The following RNF150 variants were observed in gnomAD, a reference collection of about 807,000 sequenced individuals.
RNF150 encodes ring finger protein 150.
Under a neutral mutation model 39.3 loss-of-function variants are expected in RNF150, and 24 were observed. The observed-to-expected ratio is 0.61, with a 90% confidence interval of 0.44 to 0.86. RNF150 has a LOEUF of 0.86. Among genes scored for constraint, RNF150 ranks in the 40% least tolerant of loss-of-function variants. RNF150 has a pLI of 0.00. For missense variants in RNF150, 502 were observed against 587.8 expected, an observed-to-expected ratio of 0.85 and a Z score of 1.51; for synonymous variants, 255 against 227.3, an observed-to-expected ratio of 1.12 and a Z score of -1.10.
chr4:141,087,182 T>C (rs935074246), intron 1 of RNF150, among the ~76,000 whole-genome samples: 1 of 152,286 alleles, frequency 6.6e-6, no homozygotes, highest in Non-Finnish European at 1.5e-5. Flanking sequence ...GTTGTTGCCT[T>C]GCGTTCATAA....
intron 1 of RNF150, among the ~76,000 whole-genome samples, chr4:141,019,931 G>T (rs988653741): frequency 3.3e-5 from 5 of 152,066 alleles, no homozygotes; most frequent in African/African-American, 1.2e-4. Context: ...CCTTCATGAA[G>T]TACAATACAA....
rs151232377 is a variant in RNF150, at chr4:141,141,531, A to G, written c.-6+71263T>C. Among the ~76,000 whole-genome samples, 41 of 152,250 alleles carry G rather than the reference A, an allele frequency of 2.7e-4. No homozygotes were observed. In the East Asian group the frequency reaches 7.3e-3, roughly 27 times the overall value. ...GAGCTTATTAAGAATAAGATTGTGA[A>G]TGGTTCATGCCTGTAATTCCAGCAC... On this transcript the variant is annotated intron_variant, in intron 1 of 7. Transcript: ENST00000420921.
At chr4:141,039,411 G>C (rs1736273427) in intron 1 of RNF150, among the ~76,000 whole-genome samples, 1 of 151,816 alleles carries the variant, frequency 6.6e-6, no homozygotes, top group Admixed American at 6.6e-5. Flanking sequence ...AAAGAAAGGG[G>C]AGGAGAAAAA....
intron 1 of RNF150, among the ~76,000 whole-genome samples, chr4:141,197,590 T>G (rs1028567608): frequency 6.6e-6 from 1 of 152,160 alleles, no homozygotes; most frequent in Non-Finnish European, 1.5e-5. Context: ...TACTTAGAAA[T>G]GACCTTGGCT....
At chr4:141,202,133 A>G (rs76627051) in intron 1 of RNF150, among the ~76,000 whole-genome samples, 7,145 of 152,184 alleles carry the variant, frequency 0.047, 541 homozygotes, top group African/African-American at 0.16. Context: ...ACCCAGTCTA[A>G]GGTATTTGTT....
intron 1 of RNF150, among the ~76,000 whole-genome samples, chr4:141,092,517 T>C (rs532516995): frequency 2.0e-5 from 3 of 152,338 alleles, no homozygotes; most frequent in African/African-American, 7.2e-5. Context: ...AAAACAATAC[T>C]ATACATTTAT....
chr4:141,098,147 C>CA (rs1738870932), intron 1 of RNF150, among the ~76,000 whole-genome samples: 1 of 152,192 alleles, frequency 6.6e-6, no homozygotes, highest in South Asian at 2.1e-4. Flanking sequence ...CATTTTCTCC[C>CA]AAAGAATAAT....
chr4:140,900,833 T>C (rs1560955610), intron 6 of RNF150, among the ~76,000 whole-genome samples: 1 of 152,062 alleles, frequency 6.6e-6, no homozygotes, highest in African/African-American at 2.4e-5. Context: ...TATATATATA[T>C]ATACATATCG....
chr4:141,075,462 T>C (rs564337863), intron 1 of RNF150, among the ~76,000 whole-genome samples: 3 of 152,246 alleles, frequency 2.0e-5, no homozygotes, highest in Non-Finnish European at 4.4e-5. Context: ...CTGATATCCA[T>C]TGTTATGTTT....
At chr4:141,160,244 A>C (rs958580426) in intron 1 of RNF150, among the ~76,000 whole-genome samples, 2 of 152,232 alleles carry the variant, frequency 1.3e-5, no homozygotes, top group African/African-American at 4.8e-5. Context: ...GGAAGTTATC[A>C]CAGATTATCT....
At chr4:140,985,699 G>A (rs1733995366) in intron 1 of RNF150, among the ~76,000 whole-genome samples, 1 of 151,816 alleles carries the variant, frequency 6.6e-6, no homozygotes, top group African/African-American at 2.4e-5. Context: ...CTAAATAATT[G>A]TTACTAATGA....
intron 1 of RNF150, among the ~76,000 whole-genome samples, chr4:141,121,479 T>C (rs1291527853): frequency 6.6e-6 from 1 of 152,214 alleles, no homozygotes; most frequent in Non-Finnish European, 1.5e-5. Flanking sequence ...ACGGTGTCTC[T>C]ACCTCTTAAG....
intron 1 of RNF150, among the ~76,000 whole-genome samples, chr4:141,121,916 T>G (rs1012013844): frequency 9.2e-5 from 14 of 152,124 alleles, no homozygotes; most frequent in African/African-American, 3.4e-4. Context: ...CTGAGTGCAC[T>G]CTAGAAACAT....
At chr4:141,083,805 T>G (rs1251289264) in intron 1 of RNF150, among the ~76,000 whole-genome samples, 1 of 152,200 alleles carries the variant, frequency 6.6e-6, no homozygotes, top group African/African-American at 2.4e-5. Context: ...CAGATTCCTT[T>G]CTGGGCATCT....
At chr4:141,114,813 T>C (rs1739496506) in intron 1 of RNF150, among the ~76,000 whole-genome samples, 1 of 152,186 alleles carries the variant, frequency 6.6e-6, no homozygotes, top group Non-Finnish European at 1.5e-5. Flanking sequence ...GTCAGCTTCA[T>C]CCCTGGGATG....
At chr4:141,169,301 T>C (rs571991834) in intron 1 of RNF150, among the ~76,000 whole-genome samples, 1 of 152,222 alleles carries the variant, frequency 6.6e-6, no homozygotes, top group East Asian at 1.9e-4. Context: ...TCTGCCATGA[T>C]TGTAAGTTTC....
At chr4:141,082,392 C>T (rs573685497) in intron 1 of RNF150, among the ~76,000 whole-genome samples, 2 of 152,256 alleles carry the variant, frequency 1.3e-5, no homozygotes, top group East Asian at 3.9e-4. Flanking sequence ...AGTTCCTGTT[C>T]AATAGTTATA....
At chr4:141,144,181 C>T (rs1212190024) in intron 1 of RNF150, among the ~76,000 whole-genome samples, 1 of 152,098 alleles carries the variant, frequency 6.6e-6, no homozygotes, top group African/African-American at 2.4e-5. Flanking sequence ...ATATTGGATG[C>T]AGGTAGTATT....
chr4:140,995,491 T>C (rs781731259), intron 1 of RNF150, among the ~76,000 whole-genome samples: 3 of 152,198 alleles, frequency 2.0e-5, no homozygotes, highest in Admixed American at 1.3e-4. Context: ...GTCATTGCCA[T>C]AGAAAGCGGC....
Sources: allele counts gnomAD v4.1 joint callset (sites outside exome capture counted in the v4.1 genomes callset), GRCh38; gene constraint gnomAD v4.1.1; transcripts MANE v1.5; gene names NCBI Gene and HGNC (gene_info 2026-07-23, HGNC 2026-07-21).